The following C1orf141 variants were observed in gnomAD, a reference collection of about 807,000 sequenced individuals.
C1orf141 encodes the protein uncharacterized protein C1orf141.
C1orf141 carries 19 observed loss-of-function variants against 23.2 expected under a neutral mutation model. That is an observed-to-expected ratio of 0.82 (90% CI 0.57 to 1.20). C1orf141 has a LOEUF of 1.20. Ranked by LOEUF, C1orf141 falls within the 50% of genes most tolerant of loss-of-function variation. The pLI is 0.00. For synonymous variants in C1orf141, 153 were observed against 154.6 expected, an observed-to-expected ratio of 0.99 and a Z score of 0.08; for missense variants, 469 against 455.1, an observed-to-expected ratio of 1.03 and a Z score of -0.28.
At chr1:67,110,039 A>C (rs1206242533) in intron 5 of C1orf141, among the ~76,000 whole-genome samples, 1 of 152,190 alleles carries the variant, frequency 6.6e-6, no homozygotes, top group Non-Finnish European at 1.5e-5. Flanking sequence ...TGTAAATGAA[A>C]TGATTATTTA....
chr1:67,138,857 G>A (rs1461419192), upstream of C1orf141: 1 of 152,350 alleles, frequency 6.6e-6, no homozygotes, highest in Non-Finnish European at 1.5e-5. Flanking sequence ...AGGCCAATGA[G>A]ATCACAACAC....
chr1:67,126,646 C>A (rs935378087), intron 3 of C1orf141, among the ~76,000 whole-genome samples: 1 of 152,162 alleles, frequency 6.6e-6, no homozygotes, highest in South Asian at 2.1e-4. Flanking sequence ...TAGGACAGAT[C>A]GCTGAAAGAA....
At chr1:67,096,894 T>C (rs1194107376) in intron 5 of C1orf141, among the ~76,000 whole-genome samples, 1 of 152,214 alleles carries the variant, frequency 6.6e-6, no homozygotes, top group African/African-American at 2.4e-5. Flanking sequence ...ATATTATTTG[T>C]ACAGTATACT....
chr1:67,121,101 T>A (rs1646290417), intron 4 of C1orf141, among the ~76,000 whole-genome samples: 1 of 152,198 alleles, frequency 6.6e-6, no homozygotes, highest in Non-Finnish European at 1.5e-5. Flanking sequence ...TAAGAACTTT[T>A]GTCTTCTTCT....
upstream of C1orf141, chr1:67,135,003 G>T (rs12044149): frequency 0.25 from 33,035 of 134,208 alleles, 4,527 homozygotes; most frequent in Admixed American, 0.44. Flanking sequence ...CCTTAGCAAC[G>T]CGTCCTCGGT....
chr1:67,120,615 A>G (rs553999407), intron 4 of C1orf141, among the ~76,000 whole-genome samples: 157 of 152,248 alleles, frequency 1.0e-3, no homozygotes, highest in Non-Finnish European at 1.9e-3. Context: ...CTTATAAGAC[A>G]TGAGAGAGGT....
intron 1 of C1orf141, among the ~76,000 whole-genome samples, chr1:67,140,714 T>C (rs1354847335): frequency 4.6e-5 from 7 of 152,192 alleles, no homozygotes; most frequent in Non-Finnish European, 1.0e-4. Flanking sequence ...ACAAAACTTG[T>C]AACGATGATT....
intron 2 of C1orf141, among the ~76,000 whole-genome samples, chr1:67,128,016 A>T (rs1459642633): frequency 6.6e-6 from 1 of 152,194 alleles, no homozygotes; most frequent in Non-Finnish European, 1.5e-5. Context: ...ACTCATATTT[A>T]TATAATTAAT....
chr1:67,116,809 G>A (rs1002829164), intron 4 of C1orf141, among the ~76,000 whole-genome samples: 2 of 152,114 alleles, frequency 1.3e-5, no homozygotes, highest in African/African-American at 4.8e-5. Flanking sequence ...ACAAGGGGTT[G>A]ACGTGGCCTA....
At chr1:67,131,576 C>T (rs1311735602) in intron 1 of C1orf141, among the ~76,000 whole-genome samples, 1 of 152,128 alleles carries the variant, frequency 6.6e-6, no homozygotes, top group Admixed American at 6.5e-5. Flanking sequence ...AAAAGATAGT[C>T]CAGGATCTGG....
At chr1:67,107,079 A>G (rs187718199) in intron 5 of C1orf141, among the ~76,000 whole-genome samples, 34 of 152,348 alleles carry the variant, frequency 2.2e-4, no homozygotes, top group Non-Finnish European at 4.3e-4. Flanking sequence ...TACAGAAACT[A>G]TAGTGCAAAG....
At chr1:67,136,812 A>T (rs1397987194), upstream of C1orf141, among the ~76,000 whole-genome samples, 1 of 152,218 alleles carries the variant, frequency 6.6e-6, no homozygotes, top group African/African-American at 2.4e-5. Context: ...ACAATTATTA[A>T]TATAACACAA....
chr1:67,130,367 A>C (rs1646495160), intron 2 of C1orf141, among the ~76,000 whole-genome samples: 1 of 152,210 alleles, frequency 6.6e-6, no homozygotes, highest in Non-Finnish European at 1.5e-5. Context: ...GGGAACGTAT[A>C]AACTACATGA....
intron 1 of C1orf141, among the ~76,000 whole-genome samples, chr1:67,140,721 G>T (rs1348841635): frequency 1.3e-5 from 2 of 152,060 alleles, no homozygotes; most frequent in Non-Finnish European, 2.9e-5. Flanking sequence ...TTGTAACGAT[G>T]ATTTTTATTT....
In C1orf141 at chr1:67,125,778, CTTGTCT is replaced by C. The variant is rs750469609; in HGVS notation, c.201_206del (p.Asp68_Lys69del). On this transcript the variant is annotated inframe_deletion, in exon 4 of 8. Transcript: ENST00000684719. The stretch of plus-strand genomic sequence containing the variant: ...TTTTTGATTTTGTAATGCTGCATGA[CTTGTCT>C]TCTTTGATCTTTGATATTGCCTTAG... 2.4e-4 allele frequency: 386 copies of C among 1,613,906 alleles called. No homozygotes were observed. Among genetic ancestry groups the C allele is most frequent in the Admixed American group, 1.7e-3 (102 of 60,006 alleles).
At chr1:67,097,335 T>C (rs1263494379) in intron 5 of C1orf141, among the ~76,000 whole-genome samples, 1 of 152,166 alleles carries the variant, frequency 6.6e-6, no homozygotes, top group African/African-American at 2.4e-5. Context: ...AATATAAACA[T>C]AGTACTTCAC....
chr1:67,120,281 G>T (rs983025109), intron 4 of C1orf141, among the ~76,000 whole-genome samples: 1 of 152,178 alleles, frequency 6.6e-6, no homozygotes, highest in East Asian at 1.9e-4. Flanking sequence ...CAACTGGAGA[G>T]AAATTTTGTC....
chr1:67,140,609 TAC>T (rs1646627877), intron 1 of C1orf141, among the ~76,000 whole-genome samples: 1 of 152,210 alleles, frequency 6.6e-6, no homozygotes, highest in African/African-American at 2.4e-5. Context: ...GATGGGAATT[TAC>T]AGTTTATGTA....
intron 1 of C1orf141, among the ~76,000 whole-genome samples, chr1:67,140,252 G>T (rs1257122696): frequency 2.6e-5 from 4 of 152,092 alleles, no homozygotes; most frequent in African/African-American, 2.4e-5. Flanking sequence ...AAAATTGTTA[G>T]ATCTGATTTC....
Sources: gnomAD v4.1 joint callset for allele counts (sites outside exome capture counted in the v4.1 genomes callset) on GRCh38, gnomAD v4.1.1 for gene constraint, MANE v1.5 for transcripts, NCBI Gene and HGNC (gene_info 2026-07-23, HGNC 2026-07-21) for gene names.